Variants in MAD1L1 observed in about 807,000 individuals in gnomAD.
MAD1L1 encodes the protein mitotic arrest deficient 1 like 1.
Under a neutral mutation model 96.9 loss-of-function variants are expected in MAD1L1, and 95 were observed. The observed-to-expected ratio is 0.98, with a 90% CI of 0.83 to 1.16. The LOEUF is 1.16. Ranked by LOEUF, MAD1L1 falls within the 50% of genes most tolerant of loss-of-function variation. The pLI is 0.00. For synonymous variants in MAD1L1, 473 were observed against 396.6 expected (o/e 1.19, Z -2.29); for missense variants, 1,007 against 954.4 (o/e 1.06, Z -0.73).
rs189745014 is a variant in MAD1L1 at position 2,044,207 on chromosome 7, G to A, written c.1218+24987C>T. Among the ~76,000 whole-genome samples the A allele has an allele frequency of 2.3e-3, 348 of 152,352 alleles. 1 individual carries two copies. Among genetic ancestry groups the A allele is most frequent in the Non-Finnish European group, 3.5e-3 (241 of 68,032 alleles). Reference sequence around the variant, plus strand: ...AGGTCCTGATCCAAGGGTCACTCTTGCTCATTCCTCCCAACTTGTTCAGTC... The same window carrying A: ...AGGTCCTGATCCAAGGGTCACTCTTACTCATTCCTCCCAACTTGTTCAGTC... On this transcript the variant is annotated intron_variant, in intron 12 of 18. Coordinates refer to ENST00000265854, the MANE Select transcript of MAD1L1 (RefSeq NM_001013836.2).
At chr7:2,087,914 G>A (rs898002623) in intron 11 of MAD1L1, among the ~76,000 whole-genome samples, 4 of 152,206 alleles carry the variant, frequency 2.6e-5, no homozygotes, top group East Asian at 1.9e-4. Flanking sequence ...CCACAACAGC[G>A]TGTGGGGAGA....
At chr7:2,181,662 G>A (rs1015330584) in intron 10 of MAD1L1, among the ~76,000 whole-genome samples, 21 of 152,178 alleles carry the variant, frequency 1.4e-4, no homozygotes, top group South Asian at 2.1e-4. Flanking sequence ...TAGAGCTACC[G>A]TTTGAGACAG....
At chr7:1,847,685 G>A (rs778573234) in intron 18 of MAD1L1, 3 of 470,500 alleles carry the variant, frequency 6.4e-6, no homozygotes, top group South Asian at 4.6e-5. Flanking sequence ...CATACACTGG[G>A]GAGACCTCAG....
At chr7:2,116,131 T>C (rs1334106482) in intron 11 of MAD1L1, among the ~76,000 whole-genome samples, 2 of 152,250 alleles carry the variant, frequency 1.3e-5, no homozygotes, top group Admixed American at 1.3e-4. Context: ...AGGACCTCAC[T>C]GTCCACACTG....
chr7:1,924,665 C>G (rs989853985), intron 17 of MAD1L1, among the ~76,000 whole-genome samples: 1 of 152,074 alleles, frequency 6.6e-6, no homozygotes, highest in Admixed American at 6.5e-5. Context: ...AACCCAGGAA[C>G]GCCAGGAAAG....
At chr7:1,936,943 C>T (rs369291567) in intron 16 of MAD1L1, 46 bp from the exon 17 acceptor site, 61 of 1,473,564 alleles carry the variant, frequency 4.1e-5, no homozygotes, top group South Asian at 7.6e-5. Flanking sequence ...CAGGCACACA[C>T]GCAGCACGGG....
At position 2,230,670 on chromosome 7, in the gene MAD1L1, T is replaced by C. The variant is rs1562394991; in HGVS notation, c.-132A>G. 1 of 154,706 alleles carries C rather than the reference T, an allele frequency of 6.5e-6. No individual in the cohort carries two copies. The allele number at this position is 154,706 out of a possible 1,614,324, so 9.6% of individuals were successfully genotyped here. A position where few individuals can be genotyped will look rare whatever the true frequency, so the allele number is the denominator to read the frequency against. ...AGGGGTCCGATGGTGTAATTCTCAG[T>C]TCGAGGGGCTGCTGGGACAAGTCCT... On this transcript the variant is annotated 5_prime_UTR_variant, in exon 2 of 19. Coordinates refer to ENST00000265854, the MANE Select transcript of MAD1L1 (RefSeq NM_001013836.2).
chr7:2,000,186 G>A (rs1439988930), intron 14 of MAD1L1, among the ~76,000 whole-genome samples: 2 of 152,098 alleles, frequency 1.3e-5, no homozygotes, highest in Admixed American at 6.5e-5. Flanking sequence ...CACCCGGGGC[G>A]GAATGCCGAA....
rs560304495 is a variant in MAD1L1 at position 1,936,686 on chromosome 7, C to A, written c.1807+1G>T. 6.5e-7 allele frequency: 1 copy of A among 1,549,318 alleles called. No homozygotes were observed. Among genetic ancestry groups the A allele is most frequent in the Non-Finnish European group, 8.7e-7 (1 of 1,147,930 alleles). On this transcript the variant is annotated splice_donor_variant, in intron 17 of 18. Coordinates refer to ENST00000265854, the MANE Select transcript of MAD1L1 (RefSeq NM_001013836.2). LOFTEE classifies it high-confidence loss of function. ...AGGGACCGGGGGTGGGGGGTGCCTA[C>A]CTGCCACCTCCTTGGACGATGGCAG...
chr7:2,072,871 G>T (rs1860826), intron 11 of MAD1L1, among the ~76,000 whole-genome samples: 1 of 152,094 alleles, frequency 6.6e-6, no homozygotes, highest in Non-Finnish European at 1.5e-5. Flanking sequence ...GTGAGGGTGC[G>T]CTCACATCTG....
chr7:2,162,956 A>G (rs146011734), intron 10 of MAD1L1, among the ~76,000 whole-genome samples: 32 of 151,306 alleles, frequency 2.1e-4, no homozygotes, highest in African/African-American at 7.3e-4. Context: ...GATCCCTGTC[A>G]TCTTCCCAGA....
At chr7:2,164,970 C>A (rs1266767500) in intron 10 of MAD1L1, among the ~76,000 whole-genome samples, 1 of 152,112 alleles carries the variant, frequency 6.6e-6, no homozygotes, top group Non-Finnish European at 1.5e-5. Context: ...GCATGTTGAC[C>A]CGGGAGGGCC....
chr7:1,938,419 A>G (rs1348800335), intron 16 of MAD1L1, among the ~76,000 whole-genome samples: 1 of 152,236 alleles, frequency 6.6e-6, no homozygotes, highest in Non-Finnish European at 1.5e-5. Context: ...AAAAGAAAAA[A>G]AAAAGAGTAC....
At chr7:2,227,217 A>C (rs955903880) in intron 3 of MAD1L1, among the ~76,000 whole-genome samples, 7 of 152,018 alleles carry the variant, frequency 4.6e-5, no homozygotes, top group Non-Finnish European at 8.8e-5. Context: ...AATCACTTGA[A>C]CCCAGGAGAC....
At chr7:2,156,423 T>G (rs1218028844) in intron 10 of MAD1L1, among the ~76,000 whole-genome samples, 1 of 126,426 alleles carries the variant, frequency 7.9e-6, no homozygotes, top group Admixed American at 8.1e-5. Context: ...CCCACCCCAC[T>G]GAATCAAGAC....
chr7:1,874,590 A>G, intron 18 of MAD1L1: 1 of 446,858 alleles, frequency 2.2e-6, no homozygotes, highest in Non-Finnish European at 4.5e-6. Context: ...CTCACCTATC[A>G]GCATTACCCA....
chr7:2,186,984 G>A (rs575899070), intron 10 of MAD1L1, among the ~76,000 whole-genome samples: 32 of 151,988 alleles, frequency 2.1e-4, no homozygotes, highest in African/African-American at 7.7e-4. Flanking sequence ...GTAGAGACGA[G>A]GTTTCGCCAT....
Position 1,957,648 on chromosome 7 carries a change from A to G in MAD1L1, c.1577T>C (p.Leu526Pro), listed in dbSNP as rs1321719808. 5 of 1,613,866 alleles carry G rather than the reference A, an allele frequency of 3.1e-6. No individual in the cohort carries two copies. Among genetic ancestry groups the G allele is most frequent in the Admixed American group, 3.3e-5 (2 of 60,008 alleles). Residue 526 changes from leucine (L) to proline (P), a missense_variant, in exon 16 of 19, where the codon CTG (leucine) becomes CCG (proline). Leu to Pro is a moderately conservative substitution (Grantham distance 98). Transcript: ENST00000265854. ...EEEKRMLEAQLERRALQGDYD... is the reference protein window; with the variant it reads ...EEEKRMLEAQPERRALQGDYD... ...CCTCACCTGCAGAGCTCGCCGCTCC[A>G]GCTGTGCCTCCAGCATCCTCTTTTC...
rs566805868 is a variant in MAD1L1 at position 2,203,635 on chromosome 7, C to T, written c.986+9577G>A. Among the ~76,000 whole-genome samples the T allele has an allele frequency of 4.7e-3, 722 of 152,326 alleles. 7 individuals are homozygous for T. Among genetic ancestry groups the T allele is most frequent in the African/African-American group, 0.016 (681 of 41,560 alleles). On this transcript the variant is annotated intron_variant, in intron 10 of 18. Coordinates refer to ENST00000265854, the MANE Select transcript of MAD1L1 (RefSeq NM_001013836.2). The stretch of plus-strand genomic sequence containing the variant: ...CTGCACTCCAGCACACCCTGCAGTT[C>T]TTTAAAGTAGTTCAGCAGACCAGCC...
Sources: allele counts gnomAD v4.1 joint callset (sites outside exome capture counted in the v4.1 genomes callset), GRCh38; gene constraint gnomAD v4.1.1; transcripts MANE v1.5; gene names NCBI Gene and HGNC (gene_info 2026-07-23, HGNC 2026-07-21).